PDK2: variants seen among roughly 807,000 people sequenced by gnomAD.
PDK2 encodes pyruvate dehydrogenase kinase 2.
A neutral mutation model predicts 50.4 loss-of-function variants in PDK2; 34 were observed. The ratio of observed to expected loss-of-function variants is 0.68; its 90% CI spans 0.51 to 0.90. The LOEUF is 0.90. Ranked by LOEUF, PDK2 falls within the 40% of genes least tolerant of loss-of-function variation. The probability of loss-of-function intolerance (pLI) is 0.00; values close to 1 mark genes in which losing one functional copy is unlikely to be tolerated. For synonymous variants in PDK2, 232 were observed against 216.0 expected (o/e 1.07, Z -0.65); for missense variants, 377 against 544.5 (o/e 0.69, Z 3.06).
rs1189864668 is a variant in PDK2 at position 50,108,205 on chromosome 17, C to G, written c.735C>G (p.Leu245=). 1 of 1,598,930 alleles carries G rather than the reference C, an allele frequency of 6.3e-7. No homozygotes were observed. The stretch of plus-strand genomic sequence containing the variant: ...ACATGGTCTACGTCCCCTCCCACCT[C>G]TACCACATGCTCTTTGAGCTCTTCA... ...PIHMVYVPSH[L]YHMLFELFKN... Residue 245 remains leucine (L), a synonymous_variant, in exon 7 of 11, where the codon CTC becomes CTG. Transcript: ENST00000503176.
chr17:50,095,817 G>A (rs972242792), intron 1 of PDK2: 2 of 1,253,030 alleles, frequency 1.6e-6, no homozygotes, highest in African/African-American at 1.6e-5. Context: ...AAGAGTAAGG[G>A]GCAGTGAAGC....
At chr17:50,099,709 C>T (rs1910125277) in intron 2 of PDK2, among the ~76,000 whole-genome samples, 3 of 152,236 alleles carry the variant, frequency 2.0e-5, no homozygotes, top group Non-Finnish European at 2.9e-5. Context: ...AGGAGAATGG[C>T]GTGAACCCGG....
rs1178681072 is a variant in PDK2 at position 50,101,983 on chromosome 17, C to T, written c.261-3388C>T. The T allele has an allele frequency of 6.6e-6, 1 of 152,330 alleles. No homozygotes were observed. The highest frequency in any genetic ancestry group is 2.4e-5 in the African/African-American group (1 of 41,460). 9.4% of individuals were successfully genotyped at this position (152,330 alleles called of 1,614,324 possible). Reference sequence around the variant, plus strand: ...GGGGAGGGGTGGGGGCAATGCCTCTCCCGCCTGTTGGTGCCTGTCTGTCAC... The same window carrying T: ...GGGGAGGGGTGGGGGCAATGCCTCTTCCGCCTGTTGGTGCCTGTCTGTCAC... On this transcript the variant is annotated intron_variant, in intron 2 of 10. Transcript: ENST00000503176. This position sits in a 1 kb window ranked among gnomAD's most constrained non-coding sequence, Gnocchi z 4.2.
rs1360774432 is a variant in PDK2 at position 50,110,927 on chromosome 17, T to C, written c.*830T>C. ...TTCTCCCTAGGACCTTCTGTGTATA[T>C]AGTTAGTTTTATAACCCTGAATGCC... On this transcript the variant is annotated 3_prime_UTR_variant, in exon 11 of 11. Transcript: ENST00000503176. 1 of 152,270 alleles carries C rather than the reference T, an allele frequency of 6.6e-6. No homozygotes were observed. The highest frequency in any genetic ancestry group is 1.5e-5 in the Non-Finnish European group (1 of 68,088). 9.4% of individuals were successfully genotyped at this position (152,270 alleles called of 1,614,324 possible). A position where few individuals can be genotyped will look rare whatever the true frequency, so the allele number is the denominator to read the frequency against.
At chr17:50,106,695 T>C (rs757716071) in intron 4 of PDK2, 99 bp from the exon 5 acceptor site, 47 of 949,448 alleles carry the variant, frequency 5.0e-5, no homozygotes, top group Non-Finnish European at 8.0e-5. Context: ...TACAGAGGCA[T>C]TGGAGGTGAA....
At chr17:50,100,176 T>C (rs1437365923) in intron 2 of PDK2, among the ~76,000 whole-genome samples, 1 of 152,186 alleles carries the variant, frequency 6.6e-6, no homozygotes, top group African/African-American at 2.4e-5. Flanking sequence ...GATGCAGTTA[T>C]TAGTGGTCAT....
chr17:50,106,176 G>A (rs1179161906), intron 4 of PDK2, 107 bp downstream of exon 4: 1 of 1,525,938 alleles, frequency 6.6e-7, no homozygotes, highest in Non-Finnish European at 8.8e-7. Context: ...ACCCCACAAA[G>A]GGAGTCTTTG....
In PDK2 at chr17:50,109,842, C is replaced by T. The variant is rs1910732281; in HGVS notation, c.1084-115C>T. The T allele has an allele frequency of 8.2e-7, 1 of 1,216,698 alleles. No individual in the cohort carries two copies. Among genetic ancestry groups the T allele is most frequent in the Admixed American group, 3.0e-5 (1 of 33,374 alleles). 75.4% of individuals were successfully genotyped at this position (1,216,698 alleles called of 1,614,324 possible). Reference sequence around the variant, plus strand: ...ACAGGAGGGACCACCCTTTTGTGGTCTTTCCAGGCCCCCGTGTCTGGCAGC... The same window carrying T: ...ACAGGAGGGACCACCCTTTTGTGGTTTTTCCAGGCCCCCGTGTCTGGCAGC... On this transcript the variant is annotated intron_variant, in intron 10 of 10. Coordinates refer to ENST00000503176, the MANE Select transcript of PDK2 (RefSeq NM_002611.5). The surrounding 1 kb of genome is among the most constrained non-coding windows in gnomAD (Gnocchi z 5.0).
rs748787537 is a variant in PDK2, at chr17:50,097,457, C to T, written c.153C>T (p.Thr51=). ...SSNACEKTSF[T]FLRQELPVRL... Reference sequence around the variant, plus strand: ...ATGCCTGTGAGAAAACCTCCTTCACCTTCCTCAGGCAGGAGCTGCCTGTGC... The same window carrying T: ...ATGCCTGTGAGAAAACCTCCTTCACTTTCCTCAGGCAGGAGCTGCCTGTGC... Residue 51 remains threonine, a synonymous_variant, in exon 2 of 11, where the codon ACC becomes ACT. Transcript: ENST00000503176. The T allele has an allele frequency of 3.1e-6, 5 of 1,614,018 alleles. No individual in the cohort carries two copies. The highest frequency in any genetic ancestry group is 4.2e-6 in the Non-Finnish European group (5 of 1,180,004).
chr17:50,106,118 C>T (rs1205497898), intron 4 of PDK2, 49 bp downstream of exon 4: 1 of 1,554,086 alleles, frequency 6.4e-7, no homozygotes, highest in Admixed American at 1.9e-5. Flanking sequence ...GGGGGCGGTG[C>T]TGGGGCCCAG....
At chr17:50,103,195 C>A (rs904411194) in intron 2 of PDK2, among the ~76,000 whole-genome samples, 7 of 152,146 alleles carry the variant, frequency 4.6e-5, no homozygotes, top group African/African-American at 1.7e-4. Context: ...AAAGGCTGAT[C>A]TTTTCTGCTG....
upstream of PDK2, chr17:50,095,217 G>GA (rs1909866324): frequency 9.9e-6 from 5 of 504,298 alleles, no homozygotes; most frequent in East Asian, 3.4e-5. Flanking sequence ...GGGCCCGGGG[G>GA]AAGCCACGTG....
chr17:50,108,773 CA>C (rs1775530421), intron 9 of PDK2, 54 bp downstream of exon 9: 38 of 1,086,388 alleles, frequency 3.5e-5, no homozygotes, highest in Non-Finnish European at 4.7e-5. Context: ...CTTCTCTCCT[CA>C]CTCACTTCCT....
Position 50,108,637 on chromosome 17 carries a change from C to T in PDK2, c.887C>T (p.Pro296Leu). 1 of 1,612,830 alleles carries T rather than the reference C, an allele frequency of 6.2e-7. No homozygotes were observed. Among genetic ancestry groups the T allele is most frequent in the East Asian group, 2.2e-5 (1 of 44,858 alleles). ...ATGAGTGACCGAGGTGGGGGTGTTC[C>T]CTTGAGGAAGATTGAGCGACTCTTC... ...IKMSDRGGGV[P>L]LRKIERLFSY... The change falls in exon 9 of 11, where the codon CCC (proline) becomes CTC (leucine). Residue 296 changes from proline (P) to leucine (L), a missense_variant. Pro to Leu is a moderately conservative substitution (Grantham distance 98, BLOSUM62 -3). This residue lies in a region of PDK2 where 214 missense variants were observed against 294.0 expected (regional missense o/e 0.73). Coordinates refer to ENST00000503176, the MANE Select transcript of PDK2 (RefSeq NM_002611.5).
At chr17:50,107,567 C>T (rs963383478) in intron 6 of PDK2, among the ~76,000 whole-genome samples, 1 of 152,094 alleles carries the variant, frequency 6.6e-6, no homozygotes, top group Non-Finnish European at 1.5e-5. Context: ...GGTGACAGAG[C>T]GAGACTTCAT....
At chr17:50,108,543 G>A in intron 8 of PDK2, 69 bp from the exon 9 acceptor site, 1 of 1,364,052 alleles carries the variant, frequency 7.3e-7, no homozygotes, top group Non-Finnish European at 1.0e-6. Flanking sequence ...CCATGAGAAG[G>A]TCAGGGGTAT....
intron 1 of PDK2, 46 bp downstream of exon 1, chr17:50,095,599 G>T (rs1374981567): frequency 6.5e-7 from 1 of 1,527,844 alleles, no homozygotes; most frequent in Non-Finnish European, 8.9e-7. Flanking sequence ...CCGGCGGGGC[G>T]CTGGGAGGGG....
chr17:50,100,686 A>G (rs1448891332), intron 2 of PDK2: 1 of 152,220 alleles, frequency 6.6e-6, no homozygotes, highest in Non-Finnish European at 1.5e-5. Flanking sequence ...GTCTACGCGT[A>G]TTAACTCATT....
chr17:50,110,103 G>A lies in PDK2; in HGVS notation c.*6G>A, dbSNP rs529310108. 79 of 1,594,776 alleles carry A rather than the reference G, an allele frequency of 5.0e-5. No homozygotes were observed. The highest frequency in any genetic ancestry group is 6.6e-5 in the Non-Finnish European group (77 of 1,168,732). On this transcript the variant is annotated 3_prime_UTR_variant, in exon 11 of 11. Coordinates refer to ENST00000503176, the MANE Select transcript of PDK2 (RefSeq NM_002611.5). ...CCACGTACCGCGTCAGCTAAGGGCC[G>A]CCGTGCATCTGCACCTGAGAGGACG...
Sources: gnomAD v4.1 joint callset for allele counts (sites outside exome capture counted in the v4.1 genomes callset) on GRCh38, gnomAD v4.1.1 for gene constraint, gnomAD v4.1.1 regional missense constraint, Gnocchi (gnomAD v3.1) non-coding constraint, MANE v1.5 for transcripts, NCBI Gene and HGNC (gene_info 2026-07-23, HGNC 2026-07-21) for gene names.